Variants in RPS6KA6 observed in about 807,000 individuals in gnomAD.
The protein encoded by RPS6KA6 is ribosomal protein S6 kinase alpha-6.
RPS6KA6 carries 27 observed loss-of-function variants against 65.4 expected under a neutral mutation model. That is an observed-to-expected ratio of 0.41 (90% CI 0.30 to 0.57). RPS6KA6 has a LOEUF of 0.57. Among genes scored for constraint, RPS6KA6 ranks in the 20% least tolerant of loss-of-function variants. The pLI, the probability that RPS6KA6 is intolerant of heterozygous loss-of-function variation, is 0.24. For synonymous variants in RPS6KA6, 190 were observed against 184.2 expected (o/e 1.03, Z -0.26); for missense variants, 486 against 555.6 (o/e 0.87, Z 1.26).
intron 20 of RPS6KA6, among the ~76,000 whole-genome samples, chrX:84,079,144 G>C (rs1033991801): frequency 9.0e-6 from 1 of 111,062 alleles, no homozygotes; most frequent in Non-Finnish European, 1.9e-5. Flanking sequence ...TGGTTAGACA[G>C]TGGGTACAGC....
At position 84,106,469 on chromosome X, in the gene RPS6KA6, G is replaced by T. The variant is rs1369864819; in HGVS notation, c.1261C>A (p.Gln421Lys). 3 of 1,145,156 alleles carry T rather than the reference G, an allele frequency of 2.6e-6. No individual in the cohort carries two copies. The highest frequency in any genetic ancestry group is 3.6e-6 in the Non-Finnish European group (3 of 844,943). 94.4% of individuals were successfully genotyped at this position (1,145,156 alleles called of 1,213,427 possible). The change falls in exon 15 of 22, where the codon CAA (glutamine) becomes AAA (lysine). Residue 421 changes from glutamine to lysine, a missense_variant. By Grantham distance (53) the Gln-to-Lys change is moderately conservative. Coordinates refer to ENST00000262752, the MANE Select transcript of RPS6KA6 (RefSeq NM_014496.5). The stretch of plus-strand genomic sequence containing the variant: ...TTCAATTCATATACTTCACCAAATT[G>T]TGCAGCATTTCCATTTATCTGTTTA... ...PIVQINGNAA[Q>K]FGEVYELKED...
chrX:84,075,259 A>C (rs762004257), intron 20 of RPS6KA6, among the ~76,000 whole-genome samples: 28 of 111,197 alleles, frequency 2.5e-4, no homozygotes, highest in South Asian at 7.5e-4. Context: ...AAACAAACAA[A>C]CAACCTCAAA....
chrX:84,179,005 T>A (rs1431870880), intron 1 of RPS6KA6, among the ~76,000 whole-genome samples: 3 of 111,396 alleles, frequency 2.7e-5, no homozygotes, highest in Non-Finnish European at 3.8e-5. Flanking sequence ...GGAAAAATAT[T>A]TGGAAATCGG....
intron 6 of RPS6KA6, among the ~76,000 whole-genome samples, chrX:84,135,448 T>C (rs1026603826): frequency 1.8e-5 from 2 of 111,463 alleles, no homozygotes; most frequent in Admixed American, 1.9e-4. Context: ...TTAATGTAAA[T>C]CTTTCTGAAA....
At chrX:84,177,670 T>A (rs761998859) in intron 1 of RPS6KA6, among the ~76,000 whole-genome samples, 57 of 112,540 alleles carry the variant, frequency 5.1e-4, no homozygotes, top group African/African-American at 1.8e-3. Context: ...TAGGAAGACA[T>A]GAGGCACTGA....
rs1361124707 is a variant in RPS6KA6 at position 84,164,053 on chromosome X, T to C, written c.141+275A>G. ...ATTCAGTTACTCATACACTGGCAACTGAAAATTTTATCCATTACACTTAAA... is the reference window on the plus strand; with the variant it reads ...ATTCAGTTACTCATACACTGGCAACCGAAAATTTTATCCATTACACTTAAA... On this transcript the variant is annotated intron_variant, in intron 2 of 21. Transcript: ENST00000262752. 2.7e-5 allele frequency among the ~76,000 whole-genome samples: 3 copies of C among 112,355 alleles called. No homozygotes were observed. In the Admixed American group the frequency reaches 2.8e-4, roughly 11 times the overall value.
intron 6 of RPS6KA6, among the ~76,000 whole-genome samples, chrX:84,141,965 T>C (rs2035112137): frequency 9.0e-6 from 1 of 111,427 alleles, no homozygotes. Flanking sequence ...ATTTGTAGAA[T>C]AGGCAGAAAA....
intron 1 of RPS6KA6, among the ~76,000 whole-genome samples, chrX:84,182,898 G>A (rs895623029): frequency 2.7e-5 from 3 of 112,174 alleles, no homozygotes; most frequent in South Asian, 3.7e-4. Context: ...CTGTACTCAC[G>A]GCTGCTGACT....
rs776082602 is a variant in RPS6KA6, at chrX:84,093,175, T to A, written c.1971+3019A>T. On this transcript the variant is annotated intron_variant, in intron 20 of 21. Coordinates refer to ENST00000262752, the MANE Select transcript of RPS6KA6 (RefSeq NM_014496.5). ...CAGTAGAATAGTGGTTACCAGAGGA[T>A]GGGGAGTGGTGGGTGAGGAGATGGT... Among the ~76,000 whole-genome samples the A allele has an allele frequency of 2.4e-3, 270 of 111,448 alleles. 2 individuals are homozygous for A. The highest frequency in any genetic ancestry group is 9.1e-3 in the Middle Eastern group (2 of 219).
intron 12 of RPS6KA6, among the ~76,000 whole-genome samples, chrX:84,115,664 T>A (rs935211274): frequency 8.9e-6 from 1 of 111,826 alleles, no homozygotes; most frequent in Non-Finnish European, 1.9e-5. Context: ...TGTATGTCTA[T>A]CACAGCACTG....
At chrX:84,170,784 C>A (rs2035671440) in intron 1 of RPS6KA6, among the ~76,000 whole-genome samples, 1 of 111,701 alleles carries the variant, frequency 9.0e-6, no homozygotes, top group Non-Finnish European at 1.9e-5. Flanking sequence ...GCTGTTTATG[C>A]CCTTCTATAA....
In RPS6KA6 at chrX:84,102,155, TC is replaced by T. The variant is rs2034270903; in HGVS notation, c.1657del (p.Asp553MetfsTer28). 1 of 1,172,861 alleles carries T rather than the reference TC, an allele frequency of 8.5e-7. No individual in the cohort carries two copies. The highest frequency in any genetic ancestry group is 1.8e-5 in the African/African-American group (1 of 55,784). On this transcript the variant is annotated frameshift_variant, in exon 18 of 22. Coordinates refer to ENST00000262752, the MANE Select transcript of RPS6KA6 (RefSeq NM_014496.5). LOFTEE classifies it high-confidence loss of function. Reference protein sequence around the residue: ...DLKPSNILYMDESASADSIRI... With the variant: ...DLKPSNILYMXESASADSIRI... Reference sequence around the variant, plus strand: ...GATTGAATCTGCACTGGCTGATTCATCCATGTATAAAATATTACTAGGTTTA... The same window carrying T: ...GATTGAATCTGCACTGGCTGATTCATCATGTATAAAATATTACTAGGTTTA...
chrX:84,109,579 T>C (rs1051596637), intron 12 of RPS6KA6, among the ~76,000 whole-genome samples: 3 of 110,913 alleles, frequency 2.7e-5, no homozygotes, highest in Non-Finnish European at 1.9e-5. Context: ...GCAATATGCA[T>C]TGATGCACCA....
chrX:84,130,348 A>G (rs780419036), intron 8 of RPS6KA6, among the ~76,000 whole-genome samples: 1 of 111,681 alleles, frequency 9.0e-6, no homozygotes, highest in South Asian at 3.7e-4. Context: ...AAAATAAAAA[A>G]TACTAACAAT....
chrX:84,146,551 T>C (rs1316653609), intron 5 of RPS6KA6, among the ~76,000 whole-genome samples: 6 of 111,493 alleles, frequency 5.4e-5, no homozygotes, highest in African/African-American at 1.9e-4. Flanking sequence ...TCCCATTAAG[T>C]ATAAAAAAAT....
At chrX:84,183,915 G>A (rs1000055760) in intron 1 of RPS6KA6, among the ~76,000 whole-genome samples, 3 of 110,801 alleles carry the variant, frequency 2.7e-5, no homozygotes, top group Non-Finnish European at 3.8e-5. Flanking sequence ...AACCTGTGGG[G>A]GTAGGGTGGG....
At chrX:84,162,763 T>C (rs1269335818) in intron 2 of RPS6KA6, among the ~76,000 whole-genome samples, 2 of 111,977 alleles carry the variant, frequency 1.8e-5, no homozygotes, top group African/African-American at 6.5e-5. Flanking sequence ...AATAGTTCCT[T>C]ATACTCCTTT....
chrX:84,167,255 C>T (rs1183951078), intron 1 of RPS6KA6, among the ~76,000 whole-genome samples: 1 of 112,083 alleles, frequency 8.9e-6, no homozygotes, highest in Admixed American at 9.5e-5. Context: ...TCTGTACATA[C>T]ATTTTTACAG....
chrX:84,184,905 T>G (rs781196161), intron 1 of RPS6KA6, among the ~76,000 whole-genome samples: 25 of 106,124 alleles, frequency 2.4e-4, no homozygotes, highest in African/African-American at 7.8e-4. Context: ...ATAAAAGTAC[T>G]ACACGTTTAC....
Sources: allele counts gnomAD v4.1 joint callset (sites outside exome capture counted in the v4.1 genomes callset), GRCh38; gene constraint gnomAD v4.1.1; transcripts MANE v1.5; gene names NCBI Gene and HGNC (gene_info 2026-07-23, HGNC 2026-07-21).